Variants in PLPP1 observed in about 807,000 individuals in gnomAD.
PLPP1 encodes the protein lipid phosphate phosphohydrolase 1a.
Under a neutral mutation model 31.2 loss-of-function variants are expected in PLPP1, and 24 were observed. That is an observed-to-expected ratio of 0.77 (90% CI 0.56 to 1.08). The LOEUF (loss-of-function observed/expected upper bound fraction) is 1.08, where lower values mean the gene tolerates loss of function less well. Among genes scored for constraint, PLPP1 ranks in the 50% least tolerant of loss-of-function variants. PLPP1 has a pLI of 0.00. For synonymous variants in PLPP1, 146 were observed against 126.3 expected, an observed-to-expected ratio of 1.16 and a Z score of -1.05; for missense variants, 319 against 342.7, an observed-to-expected ratio of 0.93 and a Z score of 0.55.
intron 1 of PLPP1, among the ~76,000 whole-genome samples, chr5:55,493,498 C>T (rs1752940629): frequency 6.6e-6 from 1 of 152,062 alleles, no homozygotes; most frequent in Non-Finnish European, 1.5e-5. Flanking sequence ...ATCCCAGTAA[C>T]TCAGGAGGCT....
chr5:55,483,689 T>G (rs1380614491), intron 1 of PLPP1, among the ~76,000 whole-genome samples: 1 of 123,038 alleles, frequency 8.1e-6, no homozygotes, highest in African/African-American at 2.9e-5. Flanking sequence ...AAAAAAAAAC[T>G]ACATTATTAG....
chr5:55,429,954 T>G (rs1212521487), intron 4 of PLPP1, among the ~76,000 whole-genome samples: 1 of 151,942 alleles, frequency 6.6e-6, no homozygotes, highest in African/African-American at 2.4e-5. Context: ...GAGGGACCTA[T>G]CCAGCCCGGC....
intron 1 of PLPP1, among the ~76,000 whole-genome samples, chr5:55,499,999 T>C (rs964182306): frequency 6.6e-6 from 1 of 151,266 alleles, no homozygotes; most frequent in African/African-American, 2.4e-5. Context: ...CAAAAAAATA[T>C]AATCAATGAG....
intron 4 of PLPP1, among the ~76,000 whole-genome samples, chr5:55,431,605 C>T (rs1579916679): frequency 6.6e-6 from 1 of 151,860 alleles, no homozygotes; most frequent in Non-Finnish European, 1.5e-5. Flanking sequence ...CATACCGAAA[C>T]CCAACAACAA....
chr5:55,465,935 C>T (rs906390050), intron 3 of PLPP1, among the ~76,000 whole-genome samples: 3 of 98,396 alleles, frequency 3.0e-5, no homozygotes, highest in South Asian at 3.0e-4. Flanking sequence ...TACTGCTTGC[C>T]CTTGCAGGGA....
intron 1 of PLPP1, chr5:55,484,952 T>C (rs1433972607): frequency 6.6e-6 from 1 of 152,208 alleles, no homozygotes; most frequent in Non-Finnish European, 1.5e-5. Context: ...GCCAGAAAAG[T>C]GACACATCTT....
chr5:55,531,846 G>A (rs1740681973), intron 1 of PLPP1, among the ~76,000 whole-genome samples: 1 of 152,138 alleles, frequency 6.6e-6, no homozygotes, highest in African/African-American at 2.4e-5. Flanking sequence ...AGTTGATGTT[G>A]TTAAATGTAA....
chr5:55,477,681 T>C (rs950556075), intron 1 of PLPP1, among the ~76,000 whole-genome samples: 2 of 152,084 alleles, frequency 1.3e-5, no homozygotes, highest in African/African-American at 4.8e-5. Flanking sequence ...GCATGAGCCA[T>C]AGTGCCCAGC....
At chr5:55,433,335 AAG>A (rs1414079474) in intron 4 of PLPP1, among the ~76,000 whole-genome samples, 1 of 148,452 alleles carries the variant, frequency 6.7e-6, no homozygotes, top group Non-Finnish European at 1.5e-5. Context: ...AAAAGAAAAA[AAG>A]AAAAGAAATA....
intron 1 of PLPP1, among the ~76,000 whole-genome samples, chr5:55,532,413 T>G (rs1740700691): frequency 1.3e-5 from 2 of 152,222 alleles, no homozygotes; most frequent in Non-Finnish European, 2.9e-5. Context: ...GTAATTCTGA[T>G]AGTGCACAAT....
In PLPP1 at chr5:55,531,659, C is replaced by G. The variant is rs570882114; in HGVS notation, c.58+2913G>C. On this transcript the variant is annotated intron_variant, in intron 1 of 5. Transcript: ENST00000307259. ...AGGTTGAAAACTCTCTTGAAGCTAC[C>G]ATGATTTTAGGCTACCAATCTCCTG... Among the ~76,000 whole-genome samples the G allele has an allele frequency of 1.1e-3, 166 of 152,264 alleles. 1 individual carries two copies. Among genetic ancestry groups the G allele is most frequent in the Admixed American group, 7.7e-3 (117 of 15,294 alleles).
intron 1 of PLPP1, among the ~76,000 whole-genome samples, chr5:55,529,721 T>C (rs1740593391): frequency 6.6e-6 from 1 of 151,964 alleles, no homozygotes; most frequent in Non-Finnish European, 1.5e-5. Flanking sequence ...GCACTTCAAG[T>C]TTCTATTCTG....
chr5:55,534,550 G>C (rs1740813712), intron 1 of PLPP1, 22 bp downstream of exon 1: 1 of 1,527,756 alleles, frequency 6.5e-7, no homozygotes. Context: ...CACGCCCCTC[G>C]GACCCGGCGG....
chr5:55,477,016 T>C (rs1752564131), intron 1 of PLPP1, among the ~76,000 whole-genome samples: 1 of 145,312 alleles, frequency 6.9e-6, no homozygotes, highest in Non-Finnish European at 1.5e-5. Context: ...GCTATACTTC[T>C]AGTAATGCTA....
At chr5:55,458,877 AC>A (rs1579937311) in intron 3 of PLPP1, among the ~76,000 whole-genome samples, 1 of 106,934 alleles carries the variant, frequency 9.4e-6, no homozygotes, top group East Asian at 3.0e-4. Flanking sequence ...AACAGAGGAG[AC>A]CCTGTCTCCA....
At position 55,487,866 on chromosome 5, in the gene PLPP1, C is replaced by T. The variant is rs150047921; in HGVS notation, c.59-12416G>A. On this transcript the variant is annotated intron_variant, in intron 1 of 5. Transcript: ENST00000307259. Reference sequence around the variant, plus strand: ...GCATTAGGTCGGGCGTGGTGGCTCACGCCTGTAATCCCAGCACTTTGGGAG... The same window carrying T: ...GCATTAGGTCGGGCGTGGTGGCTCATGCCTGTAATCCCAGCACTTTGGGAG... 2.4e-3 allele frequency among the ~76,000 whole-genome samples: 367 copies of T among 152,200 alleles called. 1 individual carries two copies. Among genetic ancestry groups the T allele is most frequent in the African/African-American group, 8.2e-3 (342 of 41,536 alleles).
chr5:55,428,417 C>T (rs1056698053), intron 4 of PLPP1, among the ~76,000 whole-genome samples: 16 of 152,346 alleles, frequency 1.1e-4, no homozygotes, highest in African/African-American at 3.4e-4. Context: ...CTGAATTTCT[C>T]AGACCTTGGG....
rs756220915 is a variant in PLPP1 at position 55,534,608 on chromosome 5, G to A, written c.22C>T (p.Pro8Ser). ...CAGAGCACATCGAGGGCCACGTACGGCAGCCGCGTCTTGTCAAACATGGTC... is the reference window on the plus strand; with the variant it reads ...CAGAGCACATCGAGGGCCACGTACGACAGCCGCGTCTTGTCAAACATGGTC... MFDKTRL[P>S]YVALDVLCVL... Residue 8 changes from proline to serine, a missense_variant, in exon 1 of 6, where the codon CCG becomes TCG. Coordinates refer to ENST00000307259, the MANE Select transcript of PLPP1 (RefSeq NM_003711.4). 3.9e-6 allele frequency: 6 copies of A among 1,557,858 alleles called. No individual in the cohort carries two copies. The highest frequency in any genetic ancestry group is 1.4e-5 in the African/African-American group (1 of 71,720).
intron 4 of PLPP1, among the ~76,000 whole-genome samples, chr5:55,428,619 T>C (rs1751267152): frequency 6.6e-6 from 1 of 152,246 alleles, no homozygotes; most frequent in African/African-American, 2.4e-5. Flanking sequence ...TCTATTACTT[T>C]AGCTTTCCCT....
Sources: allele counts gnomAD v4.1 joint callset (sites outside exome capture counted in the v4.1 genomes callset), GRCh38; gene constraint gnomAD v4.1.1; transcripts MANE v1.5; gene names NCBI Gene and HGNC (gene_info 2026-07-23, HGNC 2026-07-21).